CHSY3: variants seen among roughly 807,000 people sequenced by gnomAD.
CHSY3 encodes the protein N-acetylgalactosaminyl-proteoglycan 3-beta-glucuronosyltransferase 3.
A neutral mutation model predicts 67.2 loss-of-function variants in CHSY3; 35 were observed. That is an observed-to-expected ratio of 0.52 (90% CI 0.40 to 0.69). The LOEUF is 0.69. Ranked by LOEUF, CHSY3 falls within the 30% of genes least tolerant of loss-of-function variation. The probability of loss-of-function intolerance (pLI) is 0.00; values close to 1 mark genes in which losing one functional copy is unlikely to be tolerated. For missense variants in CHSY3, 1,069 were observed against 1,138.5 expected, an observed-to-expected ratio of 0.94 and a Z score of 0.88; for synonymous variants, 474 against 434.7, an observed-to-expected ratio of 1.09 and a Z score of -1.12.
At chr5:130,173,661 G>A (rs1769961819) in intron 2 of CHSY3, among the ~76,000 whole-genome samples, 1 of 152,058 alleles carries the variant, frequency 6.6e-6, no homozygotes, top group Non-Finnish European at 1.5e-5. Context: ...TATGCATACA[G>A]GATATGAAGA....
rs570450279 is a variant in CHSY3 at position 130,159,749 on chromosome 5, G to T, written c.1087-24480G>T. On this transcript the variant is annotated intron_variant, in intron 2 of 2. Coordinates refer to ENST00000305031, the MANE Select transcript of CHSY3 (RefSeq NM_175856.5). ...ACACATGACTAGAGGTATGATTGGTGAGATTAGGATATTGGTAATAATTTA... is the reference window on the plus strand; with the variant it reads ...ACACATGACTAGAGGTATGATTGGTTAGATTAGGATATTGGTAATAATTTA... Among the ~76,000 whole-genome samples, 7 of 152,286 alleles carry T rather than the reference G, an allele frequency of 4.6e-5. No homozygotes were observed. In the East Asian group the frequency reaches 1.4e-3, roughly 29 times the overall value.
chr5:130,003,728 AC>A (rs1344044718), intron 2 of CHSY3, among the ~76,000 whole-genome samples: 1 of 152,148 alleles, frequency 6.6e-6, no homozygotes, highest in African/African-American at 2.4e-5. Flanking sequence ...GCAATTTGAG[AC>A]CCTGTGGTCT....
At chr5:130,161,182 G>T (rs1361166591) in intron 2 of CHSY3, among the ~76,000 whole-genome samples, 2 of 152,120 alleles carry the variant, frequency 1.3e-5, no homozygotes, top group Non-Finnish European at 2.9e-5. Flanking sequence ...GGGATTACAG[G>T]CGTGAGCCAC....
intron 2 of CHSY3, among the ~76,000 whole-genome samples, chr5:130,045,788 T>C (rs185689041): frequency 2.0e-5 from 3 of 152,236 alleles, no homozygotes; most frequent in Non-Finnish European, 2.9e-5. Flanking sequence ...TTGTCAGTAT[T>C]ATATCAGCAA....
At chr5:130,063,417 A>C (rs1765774287) in intron 2 of CHSY3, among the ~76,000 whole-genome samples, 1 of 152,132 alleles carries the variant, frequency 6.6e-6, no homozygotes, top group Non-Finnish European at 1.5e-5. Flanking sequence ...AATGTTCTTC[A>C]TCTGATTTTT....
intron 2 of CHSY3, among the ~76,000 whole-genome samples, chr5:130,065,682 G>T (rs1281648127): frequency 6.6e-6 from 1 of 152,072 alleles, no homozygotes; most frequent in African/African-American, 2.4e-5. Context: ...GCACTACTGT[G>T]TCACCAGTTT....
At chr5:130,098,344 C>G (rs1465732950) in intron 2 of CHSY3, among the ~76,000 whole-genome samples, 1 of 152,134 alleles carries the variant, frequency 6.6e-6, no homozygotes, top group Non-Finnish European at 1.5e-5. Context: ...GGAAGGTATA[C>G]ACACCCACGT....
chr5:129,982,298 C>A (rs188967076), intron 2 of CHSY3, among the ~76,000 whole-genome samples: 1,734 of 151,284 alleles, frequency 0.011, 12 homozygotes, highest in Non-Finnish European at 0.015. Context: ...CACACACACA[C>A]AAAAAAAACA....
chr5:130,077,383 G>A (rs1443598018), intron 2 of CHSY3, among the ~76,000 whole-genome samples: 1 of 152,086 alleles, frequency 6.6e-6, no homozygotes, highest in Non-Finnish European at 1.5e-5. Flanking sequence ...ACTAGAGTGT[G>A]GCAGAAGCCC....
chr5:129,926,591 T>C (rs1271631913), intron 2 of CHSY3, among the ~76,000 whole-genome samples: 2 of 151,946 alleles, frequency 1.3e-5, no homozygotes, highest in Non-Finnish European at 2.9e-5. Context: ...TATTTGACCT[T>C]CATCTTGTTT....
At chr5:129,996,944 A>T (rs1377017649) in intron 2 of CHSY3, among the ~76,000 whole-genome samples, 1 of 152,124 alleles carries the variant, frequency 6.6e-6, no homozygotes, top group Non-Finnish European at 1.5e-5. Flanking sequence ...CAATTCCTGA[A>T]TTTATACAAA....
At chr5:130,089,169 G>A (rs1286594456) in intron 2 of CHSY3, among the ~76,000 whole-genome samples, 1 of 140,752 alleles carries the variant, frequency 7.1e-6, no homozygotes, top group Non-Finnish European at 1.5e-5. Context: ...GGGAATTGAA[G>A]AGTGAGAACA....
In CHSY3 at chr5:129,955,161, C is replaced by T. The variant is rs115383079; in HGVS notation, c.1086+46801C>T. On this transcript the variant is annotated intron_variant, in intron 2 of 2. Coordinates refer to ENST00000305031, the MANE Select transcript of CHSY3 (RefSeq NM_175856.5). ...GGATTACAGGCGTGAGCCACTGCGC[C>T]TGGCCCATTTTTTTTAAATGACTCT... Among the ~76,000 whole-genome samples, 1,285 of 152,256 alleles carry T rather than the reference C, an allele frequency of 8.4e-3. 12 individuals carry two copies. The highest frequency in any genetic ancestry group is 0.029 in the African/African-American group (1,224 of 41,548).
At chr5:129,913,502 T>C (rs1760636210) in intron 2 of CHSY3, among the ~76,000 whole-genome samples, 1 of 152,220 alleles carries the variant, frequency 6.6e-6, no homozygotes, top group Admixed American at 6.5e-5. Flanking sequence ...ATTCTCACTG[T>C]TAAAAATTAT....
At chr5:129,985,637 A>G in intron 2 of CHSY3, among the ~76,000 whole-genome samples, 1 of 152,066 alleles carries the variant, frequency 6.6e-6, no homozygotes, top group East Asian at 1.9e-4. Context: ...TTTTAACGCT[A>G]TTGATTCTTT....
intron 2 of CHSY3, among the ~76,000 whole-genome samples, chr5:129,934,096 A>G (rs1476939308): frequency 1.3e-5 from 2 of 152,178 alleles, no homozygotes; most frequent in African/African-American, 2.4e-5. Context: ...GGCAACCTAG[A>G]CAATAGATGG....
chr5:130,030,632 A>G (rs944851748), intron 2 of CHSY3, among the ~76,000 whole-genome samples: 8 of 152,138 alleles, frequency 5.3e-5, no homozygotes, highest in African/African-American at 1.9e-4. Context: ...TGAAAAGTTG[A>G]TATGTAAATA....
chr5:130,011,097 A>C (rs1764045588), intron 2 of CHSY3, among the ~76,000 whole-genome samples: 1 of 152,196 alleles, frequency 6.6e-6, no homozygotes, highest in South Asian at 2.1e-4. Flanking sequence ...TGACTTGAGA[A>C]AGCAGGACCC....
At chr5:130,068,651 C>T (rs560539885) in intron 2 of CHSY3, among the ~76,000 whole-genome samples, 1 of 152,098 alleles carries the variant, frequency 6.6e-6, no homozygotes, top group Non-Finnish European at 1.5e-5. Flanking sequence ...GAATAAGTAC[C>T]GTATAGCAAT....
Sources: allele counts gnomAD v4.1 joint callset (sites outside exome capture counted in the v4.1 genomes callset), GRCh38; gene constraint gnomAD v4.1.1; transcripts MANE v1.5; gene names NCBI Gene and HGNC (gene_info 2026-07-23, HGNC 2026-07-21).